CDYL: variants seen among roughly 807,000 people sequenced by gnomAD.
The protein encoded by CDYL is chromodomain Y-like protein.
Under a neutral mutation model 47.3 loss-of-function variants are expected in CDYL, and 8 were observed. That is an observed-to-expected ratio of 0.17 (90% CI 0.10 to 0.31). CDYL has a LOEUF of 0.31. CDYL is among the 10% of genes least tolerant of loss of function. The pLI is 1.00. For synonymous variants in CDYL, 266 were observed against 265.0 expected (o/e 1.00, Z -0.04); for missense variants, 471 against 701.4 (o/e 0.67, Z 3.71).
intron 3 of CDYL, among the ~76,000 whole-genome samples, chr6:4,740,560 A>C (rs547131801): frequency 2.2e-4 from 34 of 152,350 alleles, no homozygotes; most frequent in Middle Eastern, 3.4e-3. Flanking sequence ...GTTGCATTGA[A>C]TCTAATATAC....
chr6:4,746,360 CAAAA>C (rs1157122372), intron 3 of CDYL, among the ~76,000 whole-genome samples: 1 of 95,110 alleles, frequency 1.1e-5, no homozygotes, highest in Non-Finnish European at 2.3e-5. Context: ...CAGACTCTCT[CAAAA>C]AAAAAAAAAA....
In CDYL at chr6:4,750,225, C is replaced by T. The variant is rs542478492; in HGVS notation, c.186+15381C>T. 5.3e-5 allele frequency among the ~76,000 whole-genome samples: 8 copies of T among 151,862 alleles called. No individual in the cohort carries two copies. The East Asian group carries it at 7.8e-4, about 15-fold the overall frequency. On this transcript the variant is annotated intron_variant, in intron 3 of 8. Transcript: ENST00000328908. ...ATTTATTATTATTATTATTTTGAGA[C>T]GGAGTCTTGCTCTGTTGCCCAGGCT...
intron 2 of CDYL, among the ~76,000 whole-genome samples, chr6:4,930,278 G>A (rs1205014271): frequency 1.3e-5 from 2 of 152,204 alleles, no homozygotes; most frequent in East Asian, 1.9e-4. Context: ...GCTCAGATTG[G>A]TTCAGCAAAG....
At position 4,917,056 on chromosome 6, in the gene CDYL, CTG is replaced by C. The variant is rs148871983; in HGVS notation, c.692-18457_692-18456del. Among the ~76,000 whole-genome samples, 288 of 152,302 alleles carry C rather than the reference CTG, an allele frequency of 1.9e-3. 6 individuals carry two copies. The highest frequency in any genetic ancestry group is 0.014 in the East Asian group (74 of 5,182). ...GTATACAGGGGCAATGCTAGGAAAA[CTG>C]TTGCTTTTCTGTACTTTGTGGATTC... On this transcript the variant is annotated intron_variant, in intron 2 of 6. Coordinates refer to ENST00000397588, the MANE Select transcript of CDYL (RefSeq NM_004824.4).
At chr6:4,740,618 A>G (rs1341387970) in intron 3 of CDYL, among the ~76,000 whole-genome samples, 1 of 152,130 alleles carries the variant, frequency 6.6e-6, no homozygotes, top group African/African-American at 2.4e-5. Flanking sequence ...ATTATCAGAC[A>G]AGTGAAGCCA....
chr6:4,807,001 A>G (rs1422924648), intron 1 of CDYL, among the ~76,000 whole-genome samples: 1 of 152,162 alleles, frequency 6.6e-6, no homozygotes, highest in Non-Finnish European at 1.5e-5. Context: ...TGTGGATGAC[A>G]TCTCTCTGCC....
intron 2 of CDYL, among the ~76,000 whole-genome samples, chr6:4,913,956 G>C (rs4960049): frequency 6.6e-6 from 1 of 152,182 alleles, no homozygotes; most frequent in African/African-American, 2.4e-5. Context: ...TTCTCACCTT[G>C]GGAAACATAA....
At chr6:4,783,011 C>G (rs73717729) in intron 1 of CDYL, among the ~76,000 whole-genome samples, 1 of 152,120 alleles carries the variant, frequency 6.6e-6, no homozygotes, top group Non-Finnish European at 1.5e-5. Context: ...TTCCTTGAAC[C>G]CTGGTGCATT....
At chr6:4,738,938 G>C (rs1757749533) in intron 3 of CDYL, among the ~76,000 whole-genome samples, 1 of 151,878 alleles carries the variant, frequency 6.6e-6, no homozygotes, top group African/African-American at 2.4e-5. Flanking sequence ...GAGGCAGGCA[G>C]ATCACCTGAG....
intron 3 of CDYL, among the ~76,000 whole-genome samples, chr6:4,735,101 A>G (rs34567085): frequency 0.19 from 28,797 of 151,906 alleles, 2,860 homozygotes; most frequent in East Asian, 0.26. Flanking sequence ...AGCCTGACCA[A>G]CATGGAGAAA....
chr6:4,734,820 G>C, exon 3 of CDYL: 1 of 1,614,162 alleles, frequency 6.2e-7, no homozygotes, highest in East Asian at 2.2e-5. Context: ...AGCAAAGCGG[G>C]GCACAGCAGC....
chr6:4,841,254 G>A (rs546622048), intron 1 of CDYL, among the ~76,000 whole-genome samples: 1 of 152,122 alleles, frequency 6.6e-6, no homozygotes, highest in East Asian at 1.9e-4. Context: ...TATCAGTTGT[G>A]GTATCTCCTG....
intron 3 of CDYL, among the ~76,000 whole-genome samples, chr6:4,764,873 TAGAG>T (rs1249844403): frequency 6.6e-6 from 1 of 152,004 alleles, no homozygotes; most frequent in Non-Finnish European, 1.5e-5. Context: ...ATATATATAA[TAGAG>T]AGAAAACACT....
intron 1 of CDYL, among the ~76,000 whole-genome samples, chr6:4,886,573 C>A (rs1761905785): frequency 6.6e-6 from 1 of 151,906 alleles, no homozygotes; most frequent in African/African-American, 2.4e-5. Context: ...ACTGGGTTGT[C>A]TTTTTATTAT....
At chr6:4,835,159 G>A (rs1477474167) in intron 1 of CDYL, among the ~76,000 whole-genome samples, 1 of 152,138 alleles carries the variant, frequency 6.6e-6, no homozygotes, top group Non-Finnish European at 1.5e-5. Flanking sequence ...GCTTTTTAGA[G>A]TTTCCAGTTT....
In CDYL at chr6:4,954,144, T is replaced by A; in HGVS notation, c.*88T>A. 1.4e-6 allele frequency: 2 copies of A among 1,399,680 alleles called. No homozygotes were observed. The highest frequency in any genetic ancestry group is 1.9e-6 in the Non-Finnish European group (2 of 1,030,148). The allele number at this position is 1,399,680 out of a possible 1,614,324, so 86.7% of individuals were successfully genotyped here. On this transcript the variant is annotated 3_prime_UTR_variant, in exon 7 of 7. Transcript: ENST00000397588. ...GTTCCCCTGATCCATTCTCACAGCCTGAAACAAGCTCACCCGTAGCTTACG... is the reference window on the plus strand; with the variant it reads ...GTTCCCCTGATCCATTCTCACAGCCAGAAACAAGCTCACCCGTAGCTTACG...
intron 1 of CDYL, chr6:4,714,279 T>G (rs1757212343): frequency 1.3e-5 from 2 of 152,046 alleles, no homozygotes; most frequent in African/African-American, 4.8e-5. Flanking sequence ...GAAGTCAAGT[T>G]CTGACAGAGT....
chr6:4,842,386 T>G (rs192382432), intron 1 of CDYL, among the ~76,000 whole-genome samples: 172 of 151,780 alleles, frequency 1.1e-3, no homozygotes, highest in African/African-American at 3.9e-3. Context: ...CTATATATTA[T>G]TATTGTGTTG....
chr6:4,731,588 G>A (rs1582290509), intron 2 of CDYL, among the ~76,000 whole-genome samples: 1 of 152,074 alleles, frequency 6.6e-6, no homozygotes, highest in South Asian at 2.1e-4. Flanking sequence ...CTTGAGGTCA[G>A]GAGTTCGAGA....
Sources: gnomAD v4.1 joint callset for allele counts (sites outside exome capture counted in the v4.1 genomes callset) on GRCh38, gnomAD v4.1.1 for gene constraint, MANE v1.5 for transcripts, NCBI Gene and HGNC (gene_info 2026-07-23, HGNC 2026-07-21) for gene names.